The following MEIS2 variants were observed in gnomAD, a reference collection of about 807,000 sequenced individuals.
MEIS2 encodes Meis homeobox 2.
MEIS2 carries 9 observed loss-of-function variants against 58.6 expected under a neutral mutation model. The observed-to-expected ratio is 0.15, with a 90% CI of 0.09 to 0.27. The LOEUF (loss-of-function observed/expected upper bound fraction) is 0.27, where lower values mean the gene tolerates loss of function less well. MEIS2 is among the 10% of genes least tolerant of loss of function. The probability of loss-of-function intolerance (pLI) is 1.00; values close to 1 mark genes in which losing one functional copy is unlikely to be tolerated. For synonymous variants in MEIS2, 221 were observed against 228.4 expected (o/e 0.97, Z 0.29); for missense variants, 427 against 635.0 (o/e 0.67, Z 3.52).
At chr15:37,086,009 G>T (rs1356139994) in intron 6 of MEIS2, among the ~76,000 whole-genome samples, 2 of 152,200 alleles carry the variant, frequency 1.3e-5, no homozygotes, top group Non-Finnish European at 1.5e-5. Context: ...CGACAACACA[G>T]GCTAGAGGCT....
chr15:36,920,546 T>C (rs922661927), intron 9 of MEIS2, among the ~76,000 whole-genome samples: 3 of 152,202 alleles, frequency 2.0e-5, no homozygotes, highest in Non-Finnish European at 2.9e-5. Context: ...GTTTCACTGA[T>C]AAATAAAAAC....
intron 7 of MEIS2, among the ~76,000 whole-genome samples, chr15:37,048,580 G>A (rs998619624): frequency 2.6e-5 from 4 of 151,948 alleles, no homozygotes; most frequent in South Asian, 2.1e-4. Flanking sequence ...CAACAAAAAC[G>A]AAGGTTTTTT....
At chr15:36,894,905 T>C (rs1357357855) in intron 11 of MEIS2, 3 of 1,126,342 alleles carry the variant, frequency 2.7e-6, no homozygotes, top group Non-Finnish European at 4.1e-6. Context: ...TTTTCACTTA[T>C]TGCCTTGGTT....
chr15:36,962,566 TTG>T (rs1193220374), intron 8 of MEIS2, among the ~76,000 whole-genome samples: 2 of 152,176 alleles, frequency 1.3e-5, no homozygotes, highest in Non-Finnish European at 2.9e-5. Flanking sequence ...GTTATTTTTG[TTG>T]TCTTTTTTTT....
chr15:36,906,138 C>T lies in MEIS2; in HGVS notation c.978-9452G>A, dbSNP rs79122587. ...AAGGAATTGAACTCTGACTGGCTCCCAGCTTCGATCTGGAAAACATGGCTA... is the reference window on the plus strand; with the variant it reads ...AAGGAATTGAACTCTGACTGGCTCCTAGCTTCGATCTGGAAAACATGGCTA... On this transcript the variant is annotated intron_variant, in intron 9 of 11. Transcript: ENST00000561208. 6.0e-3 allele frequency among the ~76,000 whole-genome samples: 908 copies of T among 152,292 alleles called. 6 individuals are homozygous for T. The highest frequency in any genetic ancestry group is 9.6e-3 in the Non-Finnish European group (652 of 68,022).
chr15:37,042,596 G>C (rs1440477717), intron 7 of MEIS2, among the ~76,000 whole-genome samples: 2 of 152,182 alleles, frequency 1.3e-5, no homozygotes, highest in Admixed American at 6.5e-5. Flanking sequence ...GCATCACCTT[G>C]TCTGAACACT....
chr15:36,976,209 C>A (rs1395706819), intron 8 of MEIS2, among the ~76,000 whole-genome samples: 1 of 151,972 alleles, frequency 6.6e-6, no homozygotes, highest in African/African-American at 2.4e-5. Context: ...CTCATCCTCC[C>A]ACATAGCTGG....
intron 4 of MEIS2, chr15:37,095,078 A>T: frequency 5.8e-6 from 1 of 171,992 alleles, no homozygotes; most frequent in East Asian, 1.5e-4. Flanking sequence ...TTGAAAGCGG[A>T]TTTAAGTACT....
In MEIS2 at chr15:36,891,359, C is replaced by G. The variant is rs936831949; in HGVS notation, c.*814G>C. ...CTCTTGCTCCTTTTTATCCCCCAAG[C>G]TTTGAGTTTCTGATAAAGTCCTAGT... On this transcript the variant is annotated 3_prime_UTR_variant, in exon 12 of 12. Coordinates refer to ENST00000561208, the MANE Select transcript of MEIS2 (RefSeq NM_170675.5). The G allele has an allele frequency of 2.0e-5, 3 of 152,368 alleles. No homozygotes were observed. The highest frequency in any genetic ancestry group is 6.5e-5 in the Admixed American group (1 of 15,278). 9.4% of individuals were successfully genotyped at this position (152,368 alleles called of 1,614,324 possible).
intron 7 of MEIS2, among the ~76,000 whole-genome samples, chr15:37,046,450 A>C (rs2062674189): frequency 6.6e-6 from 1 of 152,210 alleles, no homozygotes; most frequent in Non-Finnish European, 1.5e-5. Flanking sequence ...GATATAATGG[A>C]AAGTGGTGGG....
intron 7 of MEIS2, among the ~76,000 whole-genome samples, chr15:37,057,681 T>C (rs1361840043): frequency 6.6e-6 from 1 of 151,960 alleles, no homozygotes; most frequent in Non-Finnish European, 1.5e-5. Context: ...AAGTAACCTA[T>C]TTTTTTCAAG....
intron 1 of MEIS2, chr15:37,098,970 C>CTAG (rs1219217202): frequency 1.0e-6 from 1 of 985,056 alleles, no homozygotes; most frequent in African/African-American, 1.8e-5. Flanking sequence ...GCAGCCCAGG[C>CTAG]TAGTAGTCTA....
At chr15:36,920,121 T>C (rs12901467) in intron 9 of MEIS2, among the ~76,000 whole-genome samples, 65,015 of 112,016 alleles carry the variant, frequency 0.58, 16,030 homozygotes, top group Non-Finnish European at 0.66. Context: ...ATACTGCTTT[T>C]ATTTATTTAT....
At chr15:36,933,254 C>A (rs151164879) in intron 9 of MEIS2, among the ~76,000 whole-genome samples, 3 of 152,118 alleles carry the variant, frequency 2.0e-5, no homozygotes, top group Admixed American at 1.3e-4. Flanking sequence ...CAGAGCAGTG[C>A]GGCTTTCTAT....
In MEIS2 at chr15:37,094,691, G is replaced by A. The variant is rs573619814; in HGVS notation, c.439-114C>T. ...GAAAGTTGGGCTGGGGAGAAGAAAC[G>A]GGCAGGTGGCCAGGAAAAACTTAAA... On this transcript the variant is annotated intron_variant, in intron 4 of 11. Coordinates refer to ENST00000561208, the MANE Select transcript of MEIS2 (RefSeq NM_170675.5). 7.9e-6 allele frequency: 6 copies of A among 757,358 alleles called. No individual in the cohort carries two copies. In the East Asian group the frequency reaches 1.3e-4, roughly 17 times the overall value. The allele number at this position is 757,358 out of a possible 1,614,324, so 46.9% of individuals were successfully genotyped here.
At chr15:37,088,708 T>C (rs1375087320) in intron 6 of MEIS2, among the ~76,000 whole-genome samples, 1 of 152,176 alleles carries the variant, frequency 6.6e-6, no homozygotes, top group Non-Finnish European at 1.5e-5. Flanking sequence ...GGGATTAATA[T>C]GTAAGCAACT....
At chr15:36,947,117 A>T (rs1880717908) in intron 9 of MEIS2, among the ~76,000 whole-genome samples, 1 of 151,958 alleles carries the variant, frequency 6.6e-6, no homozygotes, top group African/African-American at 2.4e-5. Flanking sequence ...CACATTGAAG[A>T]TCTGGTTATC....
chr15:36,942,465 C>T lies in MEIS2; in HGVS notation c.977+7859G>A, dbSNP rs556183098. Among the ~76,000 whole-genome samples, 70 of 152,204 alleles carry T rather than the reference C, an allele frequency of 4.6e-4. No individual in the cohort carries two copies. The South Asian group carries it at 0.012, about 26-fold the overall frequency. On this transcript the variant is annotated intron_variant, in intron 9 of 11. Transcript: ENST00000561208. ...TAAGCACCAGGAAGCGCCACCTAACCGATGCTCACTCTCTTATACTTGAAA... is the reference window on the plus strand; with the variant it reads ...TAAGCACCAGGAAGCGCCACCTAACTGATGCTCACTCTCTTATACTTGAAA...
chr15:37,056,155 T>C (rs761690951), intron 7 of MEIS2, among the ~76,000 whole-genome samples: 8 of 152,332 alleles, frequency 5.3e-5, no homozygotes, highest in Non-Finnish European at 1.0e-4. Context: ...CAATTTTCTA[T>C]AGAGAGTCTT....
Sources: gnomAD v4.1 joint callset for allele counts (sites outside exome capture counted in the v4.1 genomes callset) on GRCh38, gnomAD v4.1.1 for gene constraint, MANE v1.5 for transcripts, NCBI Gene and HGNC (gene_info 2026-07-23, HGNC 2026-07-21) for gene names.